The following WDR36 variants were observed in gnomAD, a reference collection of about 807,000 sequenced individuals.
The protein encoded by WDR36 is WD repeat-containing protein 36.
In WDR36, 63 loss-of-function variants were observed where a neutral mutation model predicts 112.7. The observed-to-expected ratio is 0.56, with a 90% CI of 0.46 to 0.69. WDR36 has a LOEUF of 0.69. WDR36 is among the 30% of genes least tolerant of loss of function. The probability of loss-of-function intolerance (pLI) is 0.00; values close to 1 mark genes in which losing one functional copy is unlikely to be tolerated. For synonymous variants in WDR36, 410 were observed against 362.2 expected (o/e 1.13, Z -1.50); for missense variants, 1,226 against 1,070.3 (o/e 1.15, Z -2.03).
At chr5:111,115,349 G>A (rs1312370974) in intron 16 of WDR36, among the ~76,000 whole-genome samples, 1 of 152,104 alleles carries the variant, frequency 6.6e-6, no homozygotes, top group African/African-American at 2.4e-5. Flanking sequence ...CACTGTTTAT[G>A]CTTTTATTTT....
chr5:111,104,649 G>C lies in WDR36; in HGVS notation c.907-48G>C, dbSNP rs1189702664. 1.9e-6 allele frequency: 3 copies of C among 1,610,078 alleles called. No homozygotes were observed. In the South Asian group the frequency reaches 3.3e-5, roughly 18 times the overall value. On this transcript the variant is annotated intron_variant, in intron 8 of 22. Coordinates refer to ENST00000513710, the MANE Select transcript of WDR36 (RefSeq NM_139281.3). ...GTAGGGGGTGATTTGACTGCTTGCA[G>C]ATCAGATGGAACATTGTAGAAGAAC...
chr5:111,107,269 A>T (rs1753238337), intron 11 of WDR36, 25 bp from the exon 12 acceptor site: 3 of 1,603,132 alleles, frequency 1.9e-6, no homozygotes, highest in Non-Finnish European at 1.7e-6. Context: ...AAGTAATTTG[A>T]TTTATGATTT....
rs1753764481 is a variant in WDR36, at chr5:111,130,292, C to T, written c.*3409C>T. On this transcript the variant is annotated 3_prime_UTR_variant, in exon 23 of 23. Coordinates refer to ENST00000513710, the MANE Select transcript of WDR36 (RefSeq NM_139281.3). ...GTCCTTGTATTTGAGGGTTTTGCAT[C>T]CCTCAAATACCATATGTTTTATTTG... The T allele has an allele frequency of 5.1e-6, 1 of 195,806 alleles. No individual in the cohort carries two copies. The highest frequency in any genetic ancestry group is 1.1e-5 in the Non-Finnish European group (1 of 93,996). The allele number at this position is 195,806 out of a possible 1,614,324, so 12.1% of individuals were successfully genotyped here.
intron 19 of WDR36, among the ~76,000 whole-genome samples, chr5:111,122,540 T>C (rs2112590065): frequency 6.6e-6 from 1 of 152,298 alleles, no homozygotes. Flanking sequence ...CTTATGGTTT[T>C]AACAAATCAG....
chr5:111,117,953 C>T lies in WDR36; in HGVS notation c.1797-1060C>T, dbSNP rs1439454464. 2.6e-5 allele frequency among the ~76,000 whole-genome samples: 4 copies of T among 152,244 alleles called. No individual in the cohort carries two copies. The East Asian group carries it at 7.7e-4, about 29-fold the overall frequency. On this transcript the variant is annotated intron_variant, in intron 16 of 22. Coordinates refer to ENST00000513710, the MANE Select transcript of WDR36 (RefSeq NM_139281.3). The stretch of plus-strand genomic sequence containing the variant: ...TCTTAAATCTACCTCTTTTCACTTC[C>T]TGCTACCACCATCCTAGTTATCTTT...
intron 5 of WDR36, among the ~76,000 whole-genome samples, chr5:111,101,546 A>C (rs1753121315): frequency 6.6e-6 from 1 of 151,864 alleles, no homozygotes; most frequent in Non-Finnish European, 1.5e-5. Flanking sequence ...AGAGGGCTGG[A>C]TACATGATTT....
chr5:111,124,934 A>C (rs1753647805), intron 21 of WDR36, among the ~76,000 whole-genome samples: 1 of 152,184 alleles, frequency 6.6e-6, no homozygotes, highest in Non-Finnish European at 1.5e-5. Flanking sequence ...AAGTGATTAG[A>C]CTTTTGTCAT....
At chr5:111,110,620 A>G (rs551569772) in intron 13 of WDR36, among the ~76,000 whole-genome samples, 168 bp from the exon 14 acceptor site, 74 of 151,654 alleles carry the variant, frequency 4.9e-4, no homozygotes, top group South Asian at 8.3e-4. Context: ...GAACAGTATT[A>G]ATAATTAAGA....
chr5:111,097,029 C>T (rs1486681286), intron 2 of WDR36, 50 bp from the exon 3 acceptor site: 2 of 1,391,448 alleles, frequency 1.4e-6, no homozygotes, highest in East Asian at 2.3e-5. Flanking sequence ...TGAGGTTTCT[C>T]TTTAACATCT....
chr5:111,102,141 A>T (rs1753132897), intron 5 of WDR36, among the ~76,000 whole-genome samples: 2 of 151,350 alleles, frequency 1.3e-5, no homozygotes, highest in Admixed American at 1.3e-4. Context: ...GAGGTGGCAT[A>T]GCATAGTAGT....
intron 13 of WDR36, 56 bp from the exon 14 acceptor site, chr5:111,110,732 C>G: frequency 6.4e-7 from 1 of 1,558,202 alleles, no homozygotes; most frequent in East Asian, 2.3e-5. Flanking sequence ...GTGTATTGTT[C>G]AGAGAGAAAC....
chr5:111,101,414 G>T (rs2112569239), intron 5 of WDR36, among the ~76,000 whole-genome samples: 1 of 152,022 alleles, frequency 6.6e-6, no homozygotes, highest in Middle Eastern at 3.4e-3. Flanking sequence ...TATACATGAA[G>T]AAGGTAAAAG....
rs763903941 is a variant in WDR36, at chr5:111,113,068, T to G, written c.1717-6T>G. The G allele has an allele frequency of 1.6e-6, 2 of 1,245,838 alleles. No homozygotes were observed. The highest frequency in any genetic ancestry group is 4.4e-5 in the South Asian group (2 of 45,872). The allele number at this position is 1,245,838 out of a possible 1,614,324, so 77.2% of individuals were successfully genotyped here. Reference sequence around the variant, plus strand: ...TATATATATATTTTTTTTTTTTAATTTAAAGGCTTTTAGTCCTGATGGTCG... The same window carrying G: ...TATATATATATTTTTTTTTTTTAATGTAAAGGCTTTTAGTCCTGATGGTCG... On this transcript the variant is annotated splice_polypyrimidine_tract_variant and splice_region_variant and intron_variant, in intron 15 of 22. Coordinates refer to ENST00000513710, the MANE Select transcript of WDR36 (RefSeq NM_139281.3).
chr5:111,126,376 A>G (rs1753679211), intron 22 of WDR36, among the ~76,000 whole-genome samples: 1 of 152,072 alleles, frequency 6.6e-6, no homozygotes, highest in Non-Finnish European at 1.5e-5. Context: ...TAGTGGTATA[A>G]TGTGTTGAAG....
intron 16 of WDR36, among the ~76,000 whole-genome samples, chr5:111,116,640 T>C (rs1376142802): frequency 1.3e-5 from 2 of 152,186 alleles, no homozygotes; most frequent in African/African-American, 2.4e-5. Context: ...ACCATGAAAC[T>C]GTATGGTAGT....
chr5:111,111,101 T>A (rs1404465618), intron 14 of WDR36, 69 bp from the exon 15 acceptor site: 4 of 1,561,148 alleles, frequency 2.6e-6, no homozygotes, highest in African/African-American at 1.4e-5. Context: ...TTTAACAAAA[T>A]TCAAGTGGAG....
At chr5:111,112,830 G>A (rs1024059248) in intron 15 of WDR36, among the ~76,000 whole-genome samples, 4 of 151,226 alleles carry the variant, frequency 2.6e-5, no homozygotes, top group Non-Finnish European at 5.9e-5. Flanking sequence ...TCATTTAAAA[G>A]TCTAATCTTT....
Position 111,104,320 on chromosome 5 carries a change from C to G in WDR36, c.874C>G (p.Leu292Val). 6.2e-7 allele frequency: 1 copy of G among 1,612,032 alleles called. No homozygotes were observed. Among genetic ancestry groups the G allele is most frequent in the Non-Finnish European group, 8.5e-7 (1 of 1,178,494 alleles). ...GACATTTCTCCATAGAGAGCCACTTCTTGTCACAAATGGCGCTGACAATGC... is the reference window on the plus strand; with the variant it reads ...GACATTTCTCCATAGAGAGCCACTTGTTGTCACAAATGGCGCTGACAATGC... Reference protein sequence around the residue: ...GLTFLHREPLLVTNGADNALR... With the variant: ...GLTFLHREPLVVTNGADNALR... Residue 292 changes from leucine to valine, a missense_variant, in exon 8 of 23, where the codon CTT becomes GTT. Transcript: ENST00000513710.
At chr5:111,099,969 T>C (rs967841583) in intron 4 of WDR36, among the ~76,000 whole-genome samples, 1 of 152,044 alleles carries the variant, frequency 6.6e-6, no homozygotes, top group Non-Finnish European at 1.5e-5. Flanking sequence ...AACATAGAAA[T>C]TTTGAATGTA....
Sources: allele counts gnomAD v4.1 joint callset (sites outside exome capture counted in the v4.1 genomes callset), GRCh38; gene constraint gnomAD v4.1.1; transcripts MANE v1.5; gene names NCBI Gene and HGNC (gene_info 2026-07-23, HGNC 2026-07-21).